NRXN1: variants seen among roughly 807,000 people sequenced by gnomAD.
NRXN1 encodes neurexin 1, also known as neurexin-1.
A neutral mutation model predicts 150.9 loss-of-function variants in NRXN1; 39 were observed. The ratio of observed to expected loss-of-function variants is 0.26; its 90% CI spans 0.20 to 0.34. NRXN1 has a LOEUF of 0.34. Ranked by LOEUF, NRXN1 falls within the 10% of genes least tolerant of loss-of-function variation. The pLI is 1.00. For synonymous variants in NRXN1, 924 were observed against 757.0 expected, an observed-to-expected ratio of 1.22 and a Z score of -3.62; for missense variants, 1,815 against 1,949.9, an observed-to-expected ratio of 0.93 and a Z score of 1.30.
At chr2:50,202,378 C>T (rs1487921574) in intron 18 of NRXN1, among the ~76,000 whole-genome samples, 1 of 152,032 alleles carries the variant, frequency 6.6e-6, no homozygotes, top group Non-Finnish European at 1.5e-5. Flanking sequence ...TGGTGCTGGG[C>T]ACCTGTAGTC....
intron 5 of NRXN1, among the ~76,000 whole-genome samples, chr2:50,842,786 T>A (rs1427776200): frequency 6.6e-6 from 1 of 152,190 alleles, no homozygotes; most frequent in East Asian, 1.9e-4. Flanking sequence ...GCAAGACCAA[T>A]ATTTTTATTT....
At chr2:50,381,512 C>T (rs1011338262) in intron 17 of NRXN1, among the ~76,000 whole-genome samples, 3 of 141,882 alleles carry the variant, frequency 2.1e-5, no homozygotes, top group African/African-American at 8.1e-5. Flanking sequence ...AAAGGGGACT[C>T]AGGCTTTTAA....
At chr2:50,888,464 TA>T (rs751607962) in intron 5 of NRXN1, among the ~76,000 whole-genome samples, 3 of 151,502 alleles carry the variant, frequency 2.0e-5, no homozygotes, top group Admixed American at 6.6e-5. Context: ...GGGAGGACCA[TA>T]AAATTAGCCA....
chr2:50,959,436 G>A (rs545800879), intron 2 of NRXN1, among the ~76,000 whole-genome samples: 44 of 151,904 alleles, frequency 2.9e-4, no homozygotes, highest in Non-Finnish European at 5.2e-4. Context: ...AAAAAGAAAT[G>A]AAGTACTAAT....
At chr2:50,920,250 T>C (rs1035006836) in intron 5 of NRXN1, among the ~76,000 whole-genome samples, 2 of 151,666 alleles carry the variant, frequency 1.3e-5, no homozygotes, top group African/African-American at 4.8e-5. Flanking sequence ...ACTGGTGAAG[T>C]TAAAAAATAA....
At chr2:50,060,768 T>C (rs1694403352) in intron 19 of NRXN1, among the ~76,000 whole-genome samples, 1 of 152,210 alleles carries the variant, frequency 6.6e-6, no homozygotes, top group Non-Finnish European at 1.5e-5. Flanking sequence ...CTCTCTTGCC[T>C]GCCACCATGT....
At position 50,292,347 on chromosome 2, in the gene NRXN1, G is replaced by A. The variant is rs139845231; in HGVS notation, c.3365-55377C>T. The stretch of plus-strand genomic sequence containing the variant: ...AACAGGTAGTTGAGGGGTTATGACA[G>A]AGACTTATCACCCCAAATCCTACTT... On this transcript the variant is annotated intron_variant, in intron 17 of 22. Transcript: ENST00000401669. 1.8e-3 allele frequency among the ~76,000 whole-genome samples: 279 copies of A among 152,284 alleles called. 1 individual carries two copies. The highest frequency in any genetic ancestry group is 6.5e-3 in the African/African-American group (271 of 41,558).
intron 18 of NRXN1, among the ~76,000 whole-genome samples, chr2:50,135,342 A>C (rs11125292): frequency 0.19 from 28,157 of 152,188 alleles, 3,084 homozygotes; most frequent in East Asian, 0.37. Context: ...GGGGAACCCC[A>C]TACTCAAACT....
At chr2:50,165,057 C>A (rs2059591618) in intron 18 of NRXN1, among the ~76,000 whole-genome samples, 3 of 152,074 alleles carry the variant, frequency 2.0e-5, no homozygotes, top group Non-Finnish European at 4.4e-5. Context: ...GGTGAAAGAA[C>A]CTAAAAAGCC....
chr2:50,141,207 G>A (rs1210971482), intron 18 of NRXN1, among the ~76,000 whole-genome samples: 2 of 152,018 alleles, frequency 1.3e-5, no homozygotes, highest in South Asian at 2.1e-4. Context: ...ACTACCTAGA[G>A]AAGGCAAGGT....
rs1213308862 is a variant in NRXN1 at position 50,531,554 on chromosome 2, T to C, written c.2144-124A>G. On this transcript the variant is annotated intron_variant, in intron 10 of 22. Transcript: ENST00000401669. Reference sequence around the variant, plus strand: ...CCAGAACACAATACTACAAAATCAATTCATCTTCTTCAGAAATAAACAAAA... The same window carrying C: ...CCAGAACACAATACTACAAAATCAACTCATCTTCTTCAGAAATAAACAAAA... 10 of 717,840 alleles carry C rather than the reference T, an allele frequency of 1.4e-5. No individual in the cohort carries two copies. The African/African-American group carries it at 1.4e-4, about 10-fold the overall frequency. The allele number at this position is 717,840 out of a possible 1,614,324, so 44.5% of individuals were successfully genotyped here.
At chr2:50,483,890 T>G (rs2090672074) in intron 15 of NRXN1, among the ~76,000 whole-genome samples, 1 of 152,214 alleles carries the variant, frequency 6.6e-6, no homozygotes, top group African/African-American at 2.4e-5. Context: ...GAATAGTGTA[T>G]AGAACAATTA....
At chr2:50,909,044 T>C (rs914338745) in intron 5 of NRXN1, among the ~76,000 whole-genome samples, 8 of 152,046 alleles carry the variant, frequency 5.3e-5, no homozygotes, top group African/African-American at 1.9e-4. Context: ...TGGAGAAATA[T>C]ATTTATAGAA....
intron 2 of NRXN1, among the ~76,000 whole-genome samples, chr2:50,929,060 T>C (rs970406753): frequency 2.0e-5 from 3 of 152,092 alleles, no homozygotes; most frequent in Non-Finnish European, 2.9e-5. Flanking sequence ...CTATGAATAA[T>C]GGCTGTGTGC....
At chr2:50,115,736 A>G (rs930985586) in intron 18 of NRXN1, among the ~76,000 whole-genome samples, 2 of 152,080 alleles carry the variant, frequency 1.3e-5, no homozygotes, top group Admixed American at 6.6e-5. Flanking sequence ...AAACTTTGCA[A>G]TCTATGACAG....
intron 5 of NRXN1, among the ~76,000 whole-genome samples, chr2:50,700,249 C>T (rs1051564901): frequency 7.2e-5 from 11 of 152,140 alleles, no homozygotes; most frequent in African/African-American, 2.2e-4. Context: ...ACCACAAGCT[C>T]CATTTGGAAA....
intron 17 of NRXN1, among the ~76,000 whole-genome samples, chr2:50,381,769 A>G (rs147257084): frequency 1.9e-3 from 295 of 152,246 alleles, no homozygotes; most frequent in African/African-American, 7.0e-3. Context: ...AGGTGCTTAA[A>G]CTAATTGTAG....
intron 2 of NRXN1, among the ~76,000 whole-genome samples, chr2:51,013,172 C>T (rs776092090): frequency 1.3e-5 from 2 of 151,958 alleles, no homozygotes; most frequent in Non-Finnish European, 2.9e-5. Context: ...ATACAGGCAG[C>T]GGCTGTAACT....
At chr2:50,584,236 T>C (rs903559397) in intron 8 of NRXN1, among the ~76,000 whole-genome samples, 4 of 152,214 alleles carry the variant, frequency 2.6e-5, no homozygotes, top group Non-Finnish European at 5.9e-5. Flanking sequence ...AGTTATTTTA[T>C]TTTTGTTTGA....
Sources: gnomAD v4.1 joint callset for allele counts (sites outside exome capture counted in the v4.1 genomes callset) on GRCh38, gnomAD v4.1.1 for gene constraint, MANE v1.5 for transcripts, NCBI Gene and HGNC (gene_info 2026-07-23, HGNC 2026-07-21) for gene names.